Variants in C4orf50 observed in about 807,000 individuals in gnomAD.
C4orf50 encodes the protein uncharacterized protein C4orf50.
A neutral mutation model predicts 77.2 loss-of-function variants in C4orf50; 80 were observed. The observed-to-expected ratio is 1.04, with a 90% CI of 0.87 to 1.25. The LOEUF is 1.25. C4orf50 is among the 50% of genes most tolerant of loss of function. C4orf50 has a pLI of 0.00. For synonymous variants in C4orf50, 532 were observed against 465.3 expected (o/e 1.14, Z -1.84); for missense variants, 1,257 against 1,152.9 (o/e 1.09, Z -1.31).
At chr4:5,929,285 G>A (rs1717655534) in intron 7 of C4orf50, among the ~76,000 whole-genome samples, 1 of 152,302 alleles carries the variant, frequency 6.6e-6, no homozygotes, top group East Asian at 1.9e-4. Context: ...TATTTTTCAG[G>A]CTCTGATGCG....
Position 6,003,820 on chromosome 4 carries a change from TG to T in C4orf50, c.963+4175del, listed in dbSNP as rs1290017814. Among the ~76,000 whole-genome samples, 741 of 108,146 alleles carry T rather than the reference TG, an allele frequency of 6.9e-3. 20 individuals carry two copies. The highest frequency in any genetic ancestry group is 0.024 in the African/African-American group (663 of 28,146). The allele number at this position is 108,146 out of a possible 152,430, so 70.9% of individuals were successfully genotyped here. ...ATGGTGATGGTGATGATGGTGATGA[TG>T]GTGATGGTGATGATGTGATAGTGAT... On this transcript the variant is annotated intron_variant, in intron 25 of 33. Transcript: ENST00000531445.
rs1398560980 is a variant in C4orf50, at chr4:6,017,351, G to A, written c.287+794C>T. On this transcript the variant is annotated intron_variant, in intron 23 of 33. Coordinates refer to ENST00000531445, the Ensembl canonical transcript of C4orf50. The surrounding 1 kb of genome is among the most constrained non-coding windows in gnomAD (Gnocchi z 4.7). ...ACCCAGCGGGAGCTGGGACCGCAGA[G>A]GAAGCCGAGAGCACATCTGAGTTAC... Among the ~76,000 whole-genome samples the A allele has an allele frequency of 6.6e-6, 1 of 152,230 alleles. No individual in the cohort carries two copies. Among genetic ancestry groups the A allele is most frequent in the African/African-American group, 2.4e-5 (1 of 41,462 alleles).
At chr4:5,959,393 C>A in exon 34 of C4orf50, 1 of 1,613,988 alleles carries the variant, frequency 6.2e-7, no homozygotes, top group Non-Finnish European at 8.5e-7. Context: ...CTAACTCCAG[C>A]GGTGATTTAT....
chr4:5,949,815 C>A (rs1718642014), intron 7 of C4orf50, among the ~76,000 whole-genome samples: 2 of 151,962 alleles, frequency 1.3e-5, no homozygotes, highest in South Asian at 4.2e-4. Flanking sequence ...GGTGAAACCC[C>A]ATCTCTACTA....
intron 7 of C4orf50, among the ~76,000 whole-genome samples, chr4:5,951,821 A>G (rs1718737986): frequency 6.6e-6 from 1 of 151,768 alleles, no homozygotes; most frequent in Admixed American, 6.6e-5. Flanking sequence ...CTCTTCCCCA[A>G]CCCCAGCAAA....
chr4:5,980,629 G>A (rs752652885), intron 28 of C4orf50, among the ~76,000 whole-genome samples: 1 of 152,070 alleles, frequency 6.6e-6, no homozygotes, highest in South Asian at 2.1e-4. Context: ...TTCCGGAGGT[G>A]GGTGTTGGGG....
At chr4:5,935,970 T>C (rs1287222310) in intron 7 of C4orf50, among the ~76,000 whole-genome samples, 1 of 152,042 alleles carries the variant, frequency 6.6e-6, no homozygotes, top group Non-Finnish European at 1.5e-5. Flanking sequence ...ATTAAGGTAA[T>C]GTCTAACTAA....
At chr4:5,948,651 C>T (rs571443737) in intron 7 of C4orf50, among the ~76,000 whole-genome samples, 183 of 152,236 alleles carry the variant, frequency 1.2e-3, no homozygotes, top group African/African-American at 3.8e-3. Flanking sequence ...AAAAATTAGC[C>T]GGGTGTGGTG....
intron 31 of C4orf50, among the ~76,000 whole-genome samples, chr4:5,969,482 A>G (rs764199273): frequency 2.7e-5 from 4 of 150,766 alleles, no homozygotes; most frequent in Non-Finnish European, 5.9e-5. Context: ...GGGCGAGAGG[A>G]GGTAAAATGA....
chr4:6,006,598 C>G (rs183659758), intron 25 of C4orf50, among the ~76,000 whole-genome samples: 4 of 152,244 alleles, frequency 2.6e-5, no homozygotes, highest in East Asian at 1.9e-4. Context: ...TTGCAAACAC[C>G]CAGTATGGAG....
chr4:5,927,048 C>T (rs1717548157), intron 7 of C4orf50, among the ~76,000 whole-genome samples: 1 of 152,064 alleles, frequency 6.6e-6, no homozygotes, highest in South Asian at 2.1e-4. Flanking sequence ...TTACGATGCC[C>T]ACTGTGGAAG....
At chr4:5,927,752 A>C (rs918165067) in intron 7 of C4orf50, among the ~76,000 whole-genome samples, 1 of 152,138 alleles carries the variant, frequency 6.6e-6, no homozygotes, top group African/African-American at 2.4e-5. Flanking sequence ...CTATGAGTCA[A>C]TTAAACCTCT....
chr4:5,934,152 G>T (rs565130054), intron 7 of C4orf50, among the ~76,000 whole-genome samples: 227 of 152,198 alleles, frequency 1.5e-3, no homozygotes, highest in Non-Finnish European at 2.7e-3. Flanking sequence ...TCTGTAAGAA[G>T]GGGTGAGCAG....
intron 7 of C4orf50, among the ~76,000 whole-genome samples, chr4:5,929,252 C>T (rs17694252): frequency 0.39 from 59,550 of 152,062 alleles, 12,053 homozygotes; most frequent in Non-Finnish European, 0.43. Flanking sequence ...CGGCTAGTAC[C>T]AGTCAGTTTT....
intron 7 of C4orf50, among the ~76,000 whole-genome samples, chr4:5,927,985 A>G (rs1307518610): frequency 1.3e-5 from 2 of 152,156 alleles, no homozygotes; most frequent in African/African-American, 4.8e-5. Flanking sequence ...GACAAGCTCC[A>G]CCGCACAGGA....
chr4:6,004,363 A>G (rs375524920), intron 25 of C4orf50, among the ~76,000 whole-genome samples: 393 of 12,392 alleles, frequency 0.032, no homozygotes, highest in East Asian at 0.057. Flanking sequence ...GGTGATGGTG[A>G]TGATGGTGAT....
intron 29 of C4orf50, among the ~76,000 whole-genome samples, chr4:5,977,375 T>C (rs921948844): frequency 6.6e-6 from 1 of 152,194 alleles, no homozygotes. Flanking sequence ...CATACCTATA[T>C]GGATCAGAAT....
intron 7 of C4orf50, among the ~76,000 whole-genome samples, chr4:5,939,737 C>A (rs1257688238): frequency 1.3e-5 from 2 of 152,134 alleles, no homozygotes; most frequent in African/African-American, 4.8e-5. Context: ...TGCACTGAAC[C>A]AGGCCTGGAT....
chr4:5,996,116 C>T lies in C4orf50; in HGVS notation c.964-1640G>A, dbSNP rs544161055. Among the ~76,000 whole-genome samples, 262 of 152,356 alleles carry T rather than the reference C, an allele frequency of 1.7e-3. 1 individual carries two copies. Among genetic ancestry groups the T allele is most frequent in the African/African-American group, 5.4e-3 (226 of 41,578 alleles). On this transcript the variant is annotated intron_variant, in intron 25 of 33. Transcript: ENST00000531445. Reference sequence around the variant, plus strand: ...CATTGCTGCCTGGGCACCTTGTTCCCACCTCTGCAGCTTTGCGCCAGCTTC... The same window carrying T: ...CATTGCTGCCTGGGCACCTTGTTCCTACCTCTGCAGCTTTGCGCCAGCTTC...
Sources: allele counts gnomAD v4.1 joint callset (sites outside exome capture counted in the v4.1 genomes callset), GRCh38; gene constraint gnomAD v4.1.1; non-coding constraint Gnocchi (gnomAD v3.1); transcripts MANE v1.5; gene names NCBI Gene and HGNC (gene_info 2026-07-23, HGNC 2026-07-21).